ANKRD26: variants seen among roughly 807,000 people sequenced by gnomAD.
ANKRD26 encodes the protein ankyrin repeat domain 26, also known as ankyrin repeat domain-containing protein 26.
A neutral mutation model predicts 208.7 loss-of-function variants in ANKRD26; 141 were observed. The observed-to-expected ratio is 0.68, with a 90% CI of 0.59 to 0.78. The LOEUF (loss-of-function observed/expected upper bound fraction) is 0.78, where lower values mean the gene tolerates loss of function less well. ANKRD26 is among the 30% of genes least tolerant of loss of function. The pLI is 0.00. For missense variants in ANKRD26, 1,889 were observed against 1,938.7 expected (o/e 0.97, Z 0.48); for synonymous variants, 636 against 660.4 (o/e 0.96, Z 0.57).
chr10:27,012,842 G>A (rs774359126), intron 32 of ANKRD26, 40 bp downstream of exon 32: 1 of 1,570,194 alleles, frequency 6.4e-7, no homozygotes, highest in Admixed American at 1.7e-5. Context: ...AATTACATGA[G>A]AAATTTGAAA....
Position 27,024,502 on chromosome 10 carries a change from A to T in ANKRD26, c.4030T>A (p.Cys1344Ser). 1 of 1,585,966 alleles carries T rather than the reference A, an allele frequency of 6.3e-7. No homozygotes were observed. The highest frequency in any genetic ancestry group is 8.6e-7 in the Non-Finnish European group (1 of 1,157,316). ...KLMELKQSLE[C>S]NLDQEMKKNV... ...TTCTTCATTTCTTGATCCAAATTACATTCCAGTGACTGTTTTAATTCCATA... is the reference window on the plus strand; with the variant it reads ...TTCTTCATTTCTTGATCCAAATTACTTTCCAGTGACTGTTTTAATTCCATA... The change falls in exon 28 of 34, where the codon TGT becomes AGT. Residue 1344 changes from cysteine (C) to serine (S), a missense_variant. Physicochemically the swap from Cys to Ser is moderately radical, Grantham distance 112. This residue lies in a region of ANKRD26 where 613 missense variants were observed against 648.2 expected (regional missense o/e 0.95). Transcript: ENST00000376087.
chr10:27,093,897 G>C (rs1050085653), intron 1 of ANKRD26, 98 bp from the exon 2 acceptor site: 29 of 1,002,986 alleles, frequency 2.9e-5, no homozygotes, highest in Non-Finnish European at 3.7e-5. Flanking sequence ...TGTTGATATG[G>C]TTTGGCTGTG....
intron 27 of ANKRD26, 103 bp from the exon 28 acceptor site, chr10:27,024,662 T>TC (rs1159667606): frequency 1.6e-6 from 1 of 642,436 alleles, no homozygotes; most frequent in Admixed American, 2.8e-5. Flanking sequence ...TGTTTAGGCA[T>TC]ATAAAATGCA....
chr10:26,956,012 T>C, the ANKRD26 span, among the ~76,000 whole-genome samples: 2 of 152,310 alleles, frequency 1.3e-5, no homozygotes, highest in East Asian at 3.9e-4. Context: ...TTAGTCTAAT[T>C]ATAAATGACT....
At chr10:27,087,595 A>G (rs1296216293) in intron 4 of ANKRD26, among the ~76,000 whole-genome samples, 2 of 152,216 alleles carry the variant, frequency 1.3e-5, no homozygotes, top group Non-Finnish European at 2.9e-5. Flanking sequence ...ATCTCATTAA[A>G]TTAGATAACA....
intron 19 of ANKRD26, 83 bp downstream of exon 19, chr10:27,044,074 G>A: frequency 9.5e-6 from 10 of 1,048,044 alleles, no homozygotes; most frequent in Non-Finnish European, 1.3e-5. Context: ...GATTACAGGT[G>A]TGAGCCACTG....
chr10:26,950,002 G>T, the ANKRD26 span, among the ~76,000 whole-genome samples: 2 of 152,058 alleles, frequency 1.3e-5, no homozygotes, highest in Non-Finnish European at 1.5e-5. Flanking sequence ...TCAGCATTCT[G>T]CATTTTTCTG....
At chr10:27,075,084 A>T (rs2055649221) in intron 9 of ANKRD26, among the ~76,000 whole-genome samples, 1 of 152,258 alleles carries the variant, frequency 6.6e-6, no homozygotes, top group Non-Finnish European at 1.5e-5. Context: ...AAATATTTAT[A>T]AAAGTTCTCA....
downstream of ANKRD26, among the ~76,000 whole-genome samples, chr10:27,000,330 T>C (rs533578245): frequency 3.9e-5 from 6 of 152,340 alleles, no homozygotes; most frequent in South Asian, 1.2e-3. Context: ...GCCATCTACA[T>C]ACTTATTGAA....
At chr10:27,091,674 G>T (rs780187753) in intron 4 of ANKRD26, among the ~76,000 whole-genome samples, 6 of 152,130 alleles carry the variant, frequency 3.9e-5, no homozygotes, top group Non-Finnish European at 2.9e-5. Context: ...TACCATAAAA[G>T]GGTGAAGAAG....
chr10:27,075,610 C>G lies in ANKRD26; in HGVS notation c.1077+1728G>C, dbSNP rs117622643. ...GATTAATAAAACAATTACTACTAGA[C>G]CTAAGAAAACCTAAGAAAAGAGATA... On this transcript the variant is annotated intron_variant, in intron 9 of 33. Transcript: ENST00000376087. Among the ~76,000 whole-genome samples, 716 of 152,196 alleles carry G rather than the reference C, an allele frequency of 4.7e-3. 4 individuals carry two copies. Among genetic ancestry groups the G allele is most frequent in the Middle Eastern group, 0.017 (5 of 294 alleles).
chr10:26,952,372 T>G, the ANKRD26 span, among the ~76,000 whole-genome samples: 1 of 152,136 alleles, frequency 6.6e-6, no homozygotes, highest in Non-Finnish European at 1.5e-5. Context: ...AAACAAATCC[T>G]GGGTTTTATG....
downstream of ANKRD26, among the ~76,000 whole-genome samples, chr10:26,991,439 ATT>A (rs111848601): frequency 1.0e-4 from 15 of 146,258 alleles, no homozygotes; most frequent in African/African-American, 3.5e-4. Context: ...AAGGAAGGTA[ATT>A]TTTTTTTTTT....
intron 20 of ANKRD26, among the ~76,000 whole-genome samples, 194 bp downstream of exon 20, chr10:27,043,232 G>T (rs562870916): frequency 6.7e-6 from 1 of 150,060 alleles, no homozygotes; most frequent in East Asian, 1.9e-4. Flanking sequence ...AAAAATCCCT[G>T]CAAAAAATAT....
At chr10:26,967,317 A>C in the ANKRD26 span, among the ~76,000 whole-genome samples, 1,371 of 152,344 alleles carry the variant, frequency 9.0e-3, 13 homozygotes, top group African/African-American at 0.031. Flanking sequence ...AGCTAAAGAA[A>C]GTCATTTAAG....
intron 6 of ANKRD26, among the ~76,000 whole-genome samples, chr10:27,081,666 C>A (rs1235317807): frequency 7.3e-5 from 11 of 150,942 alleles, no homozygotes; most frequent in African/African-American, 2.4e-4. Context: ...ACTTAGCTGG[C>A]AGAAATGGAA....
chr10:27,064,140 G>T (rs754461576), intron 11 of ANKRD26, 59 bp from the exon 12 acceptor site: 7 of 1,197,044 alleles, frequency 5.8e-6, no homozygotes, highest in Non-Finnish European at 8.5e-6. Flanking sequence ...AATTGCTAAA[G>T]ATTTTCTAAT....
Position 27,064,061 on chromosome 10 carries a change from T to C in ANKRD26, c.1290A>G (p.Pro430=). 6.2e-7 allele frequency: 1 copy of C among 1,610,770 alleles called. No individual in the cohort carries two copies. The highest frequency in any genetic ancestry group is 1.1e-5 in the South Asian group (1 of 90,966). ...CAGCTAAAGGATCAACATACTTCTG[T>C]GGAAAATTCTCAGAGATACTCTGTT... ...WDSESISENF[P]QKYVDPLAGA... Residue 430 remains proline, a synonymous_variant, in exon 12 of 34, where the codon CCA becomes CCG. Transcript: ENST00000376087.
chr10:26,949,566 C>T, the ANKRD26 span, among the ~76,000 whole-genome samples: 24 of 152,180 alleles, frequency 1.6e-4, no homozygotes, highest in African/African-American at 4.8e-4. Context: ...AGTGCAGTGG[C>T]GAGATTTCGG....
Sources: allele counts gnomAD v4.1 joint callset (sites outside exome capture counted in the v4.1 genomes callset), GRCh38; gene constraint gnomAD v4.1.1; regional missense constraint gnomAD v4.1.1; transcripts MANE v1.5; gene names NCBI Gene and HGNC (gene_info 2026-07-23, HGNC 2026-07-21).